Variants in EPN2 observed in about 807,000 individuals in gnomAD.
EPN2 encodes the protein epsin 2, also known as epsin-2.
Under a neutral mutation model 61.7 loss-of-function variants are expected in EPN2, and 34 were observed. That is an observed-to-expected ratio of 0.55 (90% CI 0.42 to 0.73). The LOEUF (loss-of-function observed/expected upper bound fraction) is 0.73, where lower values mean the gene tolerates loss of function less well. EPN2 is among the 30% of genes least tolerant of loss of function. The probability of loss-of-function intolerance (pLI) is 0.00; values close to 1 mark genes in which losing one functional copy is unlikely to be tolerated. For synonymous variants in EPN2, 349 were observed against 353.6 expected, an observed-to-expected ratio of 0.99 and a Z score of 0.15; for missense variants, 714 against 839.2, an observed-to-expected ratio of 0.85 and a Z score of 1.84.
chr17:19,331,600 CA>C (rs1907156262), intron 9 of EPN2, among the ~76,000 whole-genome samples: 1 of 151,926 alleles, frequency 6.6e-6, no homozygotes, highest in Non-Finnish European at 1.5e-5. Context: ...GAGCTATACA[CA>C]CTCTTTTATA....
intron 1 of EPN2, among the ~76,000 whole-genome samples, chr17:19,248,956 A>G (rs2044982560): frequency 6.6e-6 from 1 of 152,162 alleles, no homozygotes; most frequent in South Asian, 2.1e-4. Context: ...AGATGAGAGG[A>G]TCCCTGGCCG....
At chr17:19,290,106 G>T (rs1415207923) in intron 4 of EPN2, among the ~76,000 whole-genome samples, 11 of 152,160 alleles carry the variant, frequency 7.2e-5, no homozygotes, top group African/African-American at 1.9e-4. Flanking sequence ...AGGCTTACCC[G>T]TGTTGGCTGC....
chr17:19,253,882 A>G (rs1238979632), intron 1 of EPN2, among the ~76,000 whole-genome samples: 1 of 152,174 alleles, frequency 6.6e-6, no homozygotes, highest in Non-Finnish European at 1.5e-5. Flanking sequence ...TACATGTAAT[A>G]CCAGCACTTT....
At chr17:19,278,486 T>G (rs2045330149) in intron 1 of EPN2, among the ~76,000 whole-genome samples, 1 of 152,142 alleles carries the variant, frequency 6.6e-6, no homozygotes, top group Non-Finnish European at 1.5e-5. Flanking sequence ...CCATCAGATC[T>G]CATGAGACTT....
chr17:19,328,966 A>G (rs766160350), intron 8 of EPN2, 79 bp downstream of exon 8: 191 of 1,349,450 alleles, frequency 1.4e-4, no homozygotes, highest in Non-Finnish European at 1.7e-4. Context: ...GCTCCTAGGC[A>G]TCAGCCCTGT....
At chr17:19,275,631 T>C (rs1274097307) in intron 1 of EPN2, among the ~76,000 whole-genome samples, 1 of 152,150 alleles carries the variant, frequency 6.6e-6, no homozygotes, top group African/African-American at 2.4e-5. Flanking sequence ...GGGGGAACTG[T>C]GGGGCTTTGA....
At chr17:19,269,239 TTCCTCCTAATATA>T (rs2045230960) in intron 1 of EPN2, among the ~76,000 whole-genome samples, 1 of 152,232 alleles carries the variant, frequency 6.6e-6, no homozygotes, top group South Asian at 2.1e-4. Flanking sequence ...GAAGGAACAT[TTCCTCCTAATATA>T]TCCAGTCAGT....
At position 19,334,513 on chromosome 17, in the gene EPN2, G is replaced by A. The variant is rs964430063; in HGVS notation, c.*259G>A. ...GCAGGGCTCCTCTGAGGCCTTGGAC[G>A]AGGACGTGGAGTCATCAGTGTTGCC... On this transcript the variant is annotated 3_prime_UTR_variant, in exon 11 of 11. Coordinates refer to ENST00000314728, the MANE Select transcript of EPN2 (RefSeq NM_014964.5). This position sits in a 1 kb window ranked among gnomAD's most constrained non-coding sequence, Gnocchi z 4.9. 6 of 341,192 alleles carry A rather than the reference G, an allele frequency of 1.8e-5. No individual in the cohort carries two copies. Among genetic ancestry groups the A allele is most frequent in the Admixed American group, 4.8e-5 (1 of 20,752 alleles). 21.1% of individuals were successfully genotyped at this position (341,192 alleles called of 1,614,324 possible). A position where few individuals can be genotyped will look rare whatever the true frequency, so the allele number is the denominator to read the frequency against.
At position 19,267,060 on chromosome 17, in the gene EPN2, C is replaced by T. The variant is rs376250384; in HGVS notation, c.-293-14895C>T. Among the ~76,000 whole-genome samples, 384 of 151,028 alleles carry T rather than the reference C, an allele frequency of 2.5e-3. 2 individuals are homozygous for T. Among genetic ancestry groups the T allele is most frequent in the South Asian group, 6.3e-3 (30 of 4,740 alleles). On this transcript the variant is annotated intron_variant, in intron 1 of 10. Coordinates refer to ENST00000314728, the MANE Select transcript of EPN2 (RefSeq NM_014964.5). ...TTCCCCGTGTTAGCCAGGATGGTCTCGATCTCCTGACCTTGTGATCCGCCT... is the reference window on the plus strand; with the variant it reads ...TTCCCCGTGTTAGCCAGGATGGTCTTGATCTCCTGACCTTGTGATCCGCCT...
intron 10 of EPN2, among the ~76,000 whole-genome samples, chr17:19,333,079 C>T (rs544840465): frequency 1.3e-5 from 2 of 152,344 alleles, no homozygotes; most frequent in East Asian, 1.9e-4. Flanking sequence ...GACATGGCTG[C>T]CCCCAGGGGA....
chr17:19,311,448 C>G (rs539625948), intron 5 of EPN2, among the ~76,000 whole-genome samples: 36 of 151,838 alleles, frequency 2.4e-4, no homozygotes, highest in African/African-American at 8.2e-4. Context: ...ACCATGAGAC[C>G]CTATCTCTTA....
At chr17:19,332,093 C>A (rs1270391203) in intron 10 of EPN2, 25 bp downstream of exon 10, 3 of 1,559,074 alleles carry the variant, frequency 1.9e-6, no homozygotes, top group Non-Finnish European at 2.6e-6. Flanking sequence ...CAGGCTTCAT[C>A]CATTGCCTGC....
At chr17:19,255,927 C>T (rs147218104) in intron 1 of EPN2, among the ~76,000 whole-genome samples, 37 of 151,950 alleles carry the variant, frequency 2.4e-4, no homozygotes, top group African/African-American at 8.4e-4. Context: ...CCAATCCCTC[C>T]TGTTTTTTAT....
chr17:19,258,952 T>C (rs1297864612), intron 1 of EPN2, among the ~76,000 whole-genome samples: 2 of 152,226 alleles, frequency 1.3e-5, no homozygotes, highest in Non-Finnish European at 1.5e-5. Context: ...GTGTGCCACA[T>C]CATATTACCA....
At chr17:19,332,336 C>T (rs1343872953) in intron 10 of EPN2, among the ~76,000 whole-genome samples, 2 of 152,112 alleles carry the variant, frequency 1.3e-5, no homozygotes, top group Non-Finnish European at 2.9e-5. Flanking sequence ...TTGGTGCCCC[C>T]CCAGTTGTGA....
chr17:19,268,932 A>G (rs987049558), intron 1 of EPN2, among the ~76,000 whole-genome samples: 1 of 152,186 alleles, frequency 6.6e-6, no homozygotes, highest in Non-Finnish European at 1.5e-5. Context: ...GTTCTTTTTT[A>G]AAAAGTGAGG....
At chr17:19,324,391 T>G (rs1301705987) in intron 7 of EPN2, among the ~76,000 whole-genome samples, 2 of 152,238 alleles carry the variant, frequency 1.3e-5, no homozygotes, top group African/African-American at 2.4e-5. Context: ...TGGAGTGCGA[T>G]GGCGTGATCT....
rs373275566 is a variant in EPN2 at position 19,303,622 on chromosome 17, C to T, written c.767-6263C>T. ...GGGTATGACGTCACCTGACAGGCAGCCCTCCCACCACCGATAGTGCCAGCG... is the reference window on the plus strand; with the variant it reads ...GGGTATGACGTCACCTGACAGGCAGTCCTCCCACCACCGATAGTGCCAGCG... On this transcript the variant is annotated intron_variant, in intron 4 of 10. Transcript: ENST00000314728. 2.4e-4 allele frequency among the ~76,000 whole-genome samples: 36 copies of T among 152,322 alleles called. No individual in the cohort carries two copies. In the East Asian group the frequency reaches 6.2e-3, roughly 26 times the overall value.
rs373826021 is a variant in EPN2, at chr17:19,309,858, A to G, written c.767-27A>G. 12 of 1,581,670 alleles carry G rather than the reference A, an allele frequency of 7.6e-6. No homozygotes were observed. The African/African-American group carries it at 8.0e-5, about 11-fold the overall frequency. ...GAGCTGTATCAGCCTTGTCTTTTGC[A>G]TATGATGACTTGGTCTTCCCCAACA... is the stretch of plus-strand genomic sequence containing the variant. On this transcript the variant is annotated intron_variant, in intron 4 of 10. Coordinates refer to ENST00000314728, the MANE Select transcript of EPN2 (RefSeq NM_014964.5).
Sources: gnomAD v4.1 joint callset for allele counts (sites outside exome capture counted in the v4.1 genomes callset) on GRCh38, gnomAD v4.1.1 for gene constraint, Gnocchi (gnomAD v3.1) non-coding constraint, MANE v1.5 for transcripts, NCBI Gene and HGNC (gene_info 2026-07-23, HGNC 2026-07-21) for gene names.